MXI1: variants seen among roughly 807,000 people sequenced by gnomAD.
MXI1 encodes MAX interactor 1, dimerization protein.
In MXI1, 18 loss-of-function variants were observed where a neutral mutation model predicts 36.9. That is an observed-to-expected ratio of 0.49 (90% CI 0.34 to 0.72). MXI1 has a LOEUF of 0.72. MXI1 is among the 30% of genes least tolerant of loss of function. The pLI is 0.01. For synonymous variants in MXI1, 160 were observed against 146.7 expected (o/e 1.09, Z -0.65); for missense variants, 304 against 379.1 (o/e 0.80, Z 1.64).
At chr10:110,271,980 T>C (rs1370882258) in intron 3 of MXI1, among the ~76,000 whole-genome samples, 1 of 152,192 alleles carries the variant, frequency 6.6e-6, no homozygotes, top group African/African-American at 2.4e-5. Context: ...CCTTCTCCCC[T>C]GTCCCTTCTT....
rs770494068 is a variant in MXI1, at chr10:110,207,885, T to A, written c.77T>A (p.Val26Glu). ...AGLAPAAPPA[V>E]PPAVAAPQPP... ...CTGGCCCCCGCCGCGCCCCCGGCTG[T>A]GCCCCCCGCCGTGGCCGCGCCCCAG... is the stretch of plus-strand genomic sequence containing the variant. The change falls in exon 1 of 6, where the codon GTG becomes GAG. Residue 26 changes from valine to glutamate, a missense_variant. By Grantham distance (121) the Val-to-Glu change is moderately radical. Transcript: ENST00000332674. The A allele has an allele frequency of 1.2e-5, 16 of 1,316,386 alleles. No homozygotes were observed. In the African/African-American group the frequency reaches 2.5e-4, roughly 21 times the overall value. The allele number at this position is 1,316,386 out of a possible 1,614,324, so 81.5% of individuals were successfully genotyped here.
intron 1 of MXI1, 50 bp downstream of exon 1, chr10:110,208,132 C>T (rs1397677155): frequency 5.8e-6 from 9 of 1,549,212 alleles, no homozygotes; most frequent in African/African-American, 5.7e-5. Context: ...CTTTCTTTCT[C>T]GCCCACTTGG....
At chr10:110,266,097 G>A (rs11195055) in intron 3 of MXI1, among the ~76,000 whole-genome samples, 35,682 of 149,540 alleles carry the variant, frequency 0.24, 5,154 homozygotes, top group African/African-American at 0.41. Context: ...AAAATACAGA[G>A]TCTTTTTCTT....
chr10:110,221,430 C>T (rs1371789045), intron 1 of MXI1, among the ~76,000 whole-genome samples: 1 of 152,170 alleles, frequency 6.6e-6, no homozygotes, highest in African/African-American at 2.4e-5. Flanking sequence ...CAAAATCCTC[C>T]CAAATACCTT....
chr10:110,264,650 C>T (rs571495524), intron 3 of MXI1, among the ~76,000 whole-genome samples: 29 of 152,160 alleles, frequency 1.9e-4, no homozygotes, highest in South Asian at 1.2e-3. Flanking sequence ...CCACCACGCC[C>T]GTCCTAGTAA....
chr10:110,265,060 A>G (rs1856641014), intron 3 of MXI1, among the ~76,000 whole-genome samples: 1 of 152,122 alleles, frequency 6.6e-6, no homozygotes, highest in African/African-American at 2.4e-5. Context: ...GCTCAAATAT[A>G]TGTTTGAGTT....
At chr10:110,212,689 T>C (rs1286829323) in intron 1 of MXI1, among the ~76,000 whole-genome samples, 2 of 152,218 alleles carry the variant, frequency 1.3e-5, no homozygotes, top group East Asian at 3.8e-4. Context: ...GAGGTTCCAT[T>C]TCCTTTTTGC....
chr10:110,275,561 G>T (rs1050562087), intron 3 of MXI1, among the ~76,000 whole-genome samples: 1 of 152,132 alleles, frequency 6.6e-6, no homozygotes, highest in African/African-American at 2.4e-5. Context: ...ACAGTTACAG[G>T]GCATCCATTG....
chr10:110,222,857 A>G (rs1854852486), intron 1 of MXI1, among the ~76,000 whole-genome samples: 1 of 152,216 alleles, frequency 6.6e-6, no homozygotes, highest in Non-Finnish European at 1.5e-5. Flanking sequence ...TAGAGCCCTA[A>G]GCTTTGTGCT....
chr10:110,210,658 C>T (rs1417371062), intron 1 of MXI1, among the ~76,000 whole-genome samples: 1 of 152,248 alleles, frequency 6.6e-6, no homozygotes, highest in East Asian at 1.9e-4. Flanking sequence ...TCCCCTCCTC[C>T]TGCCCGGTCT....
intron 4 of MXI1, 106 bp downstream of exon 4, chr10:110,279,400 A>G (rs2134470691): frequency 2.3e-6 from 2 of 885,214 alleles, no homozygotes; most frequent in East Asian, 2.5e-5. Context: ...GCCCTCCTTA[A>G]TAACTGACCT....
chr10:110,219,110 G>A (rs1287034016), intron 1 of MXI1, among the ~76,000 whole-genome samples: 2 of 152,158 alleles, frequency 1.3e-5, no homozygotes, highest in Non-Finnish European at 2.9e-5. Context: ...GACCAGCCTG[G>A]CCAATATGGT....
At position 110,284,872 on chromosome 10, in the gene MXI1, T is replaced by G. The variant is rs759049323; in HGVS notation, c.773T>G (p.Val258Gly). ...AGCACAGAGTTCTCCCATGGAGAAG[T>G]GGACAATATAAGTACCACCAGCATC... is the stretch of plus-strand genomic sequence containing the variant. ...VESTEFSHGE[V>G]DNISTTSISD... Residue 258 changes from valine to glycine, a missense_variant, in exon 6 of 6, where the codon GTG becomes GGG. By Grantham distance (109) the Val-to-Gly change is moderately radical (BLOSUM62 -3). Transcript: ENST00000332674. 6.2e-7 allele frequency: 1 copy of G among 1,613,294 alleles called. No homozygotes were observed. Among genetic ancestry groups the G allele is most frequent in the Admixed American group, 1.7e-5 (1 of 59,874 alleles).
chr10:110,207,704 C>A lies in MXI1; in HGVS notation c.-105C>A. 1 of 737,684 alleles carries A rather than the reference C, an allele frequency of 1.4e-6. No homozygotes were observed. Among genetic ancestry groups the A allele is most frequent in the Non-Finnish European group, 1.7e-6 (1 of 595,520 alleles). 45.7% of individuals were successfully genotyped at this position (737,684 alleles called of 1,614,324 possible). A position where few individuals can be genotyped will look rare whatever the true frequency, so the allele number is the denominator to read the frequency against. ...GGGAAGTCAGGCCGGCTTTTCGCCC[C>A]GGCGCCTTCTCTGCTCCAGCCGGCC... is the stretch of plus-strand genomic sequence containing the variant. On this transcript the variant is annotated 5_prime_UTR_variant, in exon 1 of 6. Transcript: ENST00000332674.
At chr10:110,226,777 A>G (rs560145671) in intron 1 of MXI1, among the ~76,000 whole-genome samples, 5 of 3,216 alleles carry the variant, frequency 1.6e-3, no homozygotes, top group East Asian at 8.2e-3. Flanking sequence ...GGAGGGGCGT[A>G]TGAGGGAAGG....
chr10:110,281,229 T>C (rs774267425), intron 5 of MXI1, among the ~76,000 whole-genome samples: 1 of 152,258 alleles, frequency 6.6e-6, no homozygotes. Context: ...ATATTTTTTC[T>C]GGAATGCTTT....
At position 110,287,104 on chromosome 10, in the gene MXI1, C is replaced by A. The variant is rs1362198845; in HGVS notation, c.*2117C>A. ...TCTGTTTGTTTTGTTATTCTCATGG[C>A]CTTCGCTTGCATTATTTGGGCCTTC... On this transcript the variant is annotated 3_prime_UTR_variant, in exon 6 of 6. Transcript: ENST00000332674. The A allele has an allele frequency of 6.6e-6, 1 of 152,152 alleles. No homozygotes were observed. The highest frequency in any genetic ancestry group is 1.5e-5 in the Non-Finnish European group (1 of 68,040). 9.4% of individuals were successfully genotyped at this position (152,152 alleles called of 1,614,324 possible). A position where few individuals can be genotyped will look rare whatever the true frequency, so the allele number is the denominator to read the frequency against.
chr10:110,237,729 T>C (rs1425476914), intron 2 of MXI1, among the ~76,000 whole-genome samples: 1 of 152,174 alleles, frequency 6.6e-6, no homozygotes, highest in African/African-American at 2.4e-5. Context: ...CTACAGCCCC[T>C]TCAGGTTTGA....
chr10:110,227,419 G>A lies in MXI1; in HGVS notation c.275-770G>A, dbSNP rs1394246867. On this transcript the variant is annotated intron_variant, in intron 1 of 5. Transcript: ENST00000332674. ...GGGAGGTGCGAGGGTGCGCACGGAG[G>A]GTGGGGCTGTGGGTGTGCGGCGAGC... is the stretch of plus-strand genomic sequence containing the variant. 8.1e-6 allele frequency: 8 copies of A among 989,250 alleles called. No individual in the cohort carries two copies. The East Asian group carries it at 5.7e-4, about 70-fold the overall frequency. 61.3% of individuals were successfully genotyped at this position (989,250 alleles called of 1,614,324 possible).
Sources: gnomAD v4.1 joint callset for allele counts (sites outside exome capture counted in the v4.1 genomes callset) on GRCh38, gnomAD v4.1.1 for gene constraint, MANE v1.5 for transcripts, NCBI Gene and HGNC (gene_info 2026-07-23, HGNC 2026-07-21) for gene names.